The following UNC5D variants were observed in gnomAD, a reference collection of about 807,000 sequenced individuals.
UNC5D encodes netrin receptor UNC5D.
In UNC5D, 39 loss-of-function variants were observed where a neutral mutation model predicts 105.4. The observed-to-expected ratio is 0.37, with a 90% CI of 0.29 to 0.48. The LOEUF is 0.48. Ranked by LOEUF, UNC5D falls within the 20% of genes least tolerant of loss-of-function variation. UNC5D has a pLI of 0.98. For missense variants in UNC5D, 991 were observed against 1,202.4 expected (o/e 0.82, Z 2.60); for synonymous variants, 452 against 450.4 (o/e 1.00, Z -0.04).
intron 4 of UNC5D, among the ~76,000 whole-genome samples, chr8:35,676,238 G>A (rs1030587862): frequency 1.3e-5 from 2 of 152,158 alleles, no homozygotes; most frequent in South Asian, 2.1e-4. Context: ...TCTACAAATT[G>A]CAGACCATCT....
intron 1 of UNC5D, among the ~76,000 whole-genome samples, chr8:35,330,745 T>C (rs905232095): frequency 2.0e-5 from 3 of 152,160 alleles, no homozygotes; most frequent in Admixed American, 1.3e-4. Context: ...GGGGCTGCAA[T>C]GAAAAAACCT....
chr8:35,470,899 C>A (rs1219508660), intron 1 of UNC5D, among the ~76,000 whole-genome samples: 1 of 152,094 alleles, frequency 6.6e-6, no homozygotes, highest in African/African-American at 2.4e-5. Context: ...CCTCCAAGGC[C>A]TTACATTTGT....
At chr8:35,559,252 C>T (rs1158679947) in intron 2 of UNC5D, among the ~76,000 whole-genome samples, 1 of 152,152 alleles carries the variant, frequency 6.6e-6, no homozygotes, top group African/African-American at 2.4e-5. Flanking sequence ...ACCATTCTAC[C>T]AAAACCTAGT....
intron 1 of UNC5D, among the ~76,000 whole-genome samples, 191 bp from the exon 2 acceptor site, chr8:35,549,099 CTG>C (rs1815913594): frequency 6.6e-6 from 1 of 152,200 alleles, no homozygotes; most frequent in Non-Finnish European, 1.5e-5. Context: ...CCATGGCTAG[CTG>C]GAGGCACCAT....
intron 1 of UNC5D, among the ~76,000 whole-genome samples, chr8:35,296,091 G>T (rs1381681330): frequency 2.0e-5 from 3 of 152,088 alleles, no homozygotes; most frequent in African/African-American, 7.2e-5. Flanking sequence ...AGTTTTTTCC[G>T]CATATTGGCT....
intron 1 of UNC5D, among the ~76,000 whole-genome samples, chr8:35,487,597 C>T (rs1033470822): frequency 4.7e-5 from 6 of 127,306 alleles, no homozygotes; most frequent in Non-Finnish European, 9.6e-5. Context: ...ACACACACCC[C>T]ACAGACTGTT....
rs183041859 is a variant in UNC5D at position 35,242,608 on chromosome 8, G to C, written c.103+6721G>C. On this transcript the variant is annotated intron_variant, in intron 1 of 16. Coordinates refer to ENST00000404895, the MANE Select transcript of UNC5D (RefSeq NM_080872.4). ...TTCTCCTGCCTCAGCCTCCCGAGTA[G>C]CTGGGATTACAGGCATGCACCATTG... 1.2e-4 allele frequency among the ~76,000 whole-genome samples: 19 copies of C among 152,246 alleles called. No individual in the cohort carries two copies. The East Asian group carries it at 3.7e-3, about 29-fold the overall frequency.
At chr8:35,700,736 A>C (rs1442282250) in intron 7 of UNC5D, among the ~76,000 whole-genome samples, 2 of 152,214 alleles carry the variant, frequency 1.3e-5, no homozygotes, top group South Asian at 2.1e-4. Context: ...GAGGTGCTCC[A>C]GAAACTAATT....
chr8:35,424,991 T>G (rs75277432), intron 1 of UNC5D, among the ~76,000 whole-genome samples: 3,618 of 152,230 alleles, frequency 0.024, 81 homozygotes, highest in Non-Finnish European at 0.038. Flanking sequence ...GCTGAAATTG[T>G]TCCCCTTCCT....
intron 1 of UNC5D, among the ~76,000 whole-genome samples, chr8:35,376,506 A>G (rs1400092955): frequency 6.6e-6 from 1 of 152,178 alleles, no homozygotes; most frequent in Non-Finnish European, 1.5e-5. Context: ...AAAAACATAG[A>G]TGATATGTAT....
At chr8:35,764,400 G>C (rs1801674011) in intron 14 of UNC5D, among the ~76,000 whole-genome samples, 1 of 152,178 alleles carries the variant, frequency 6.6e-6, no homozygotes, top group African/African-American at 2.4e-5. Context: ...GGCAGAAAGA[G>C]AAGTGTAGGA....
At chr8:35,597,638 G>A (rs957020932) in intron 4 of UNC5D, among the ~76,000 whole-genome samples, 1 of 152,126 alleles carries the variant, frequency 6.6e-6, no homozygotes, top group African/African-American at 2.4e-5. Flanking sequence ...GCAGAGAGGG[G>A]TGCTAATGTT....
At position 35,502,725 on chromosome 8, in the gene UNC5D, A is replaced by ATTT. The variant is rs34200119; in HGVS notation, c.104-46556_104-46554dup. On this transcript the variant is annotated intron_variant, in intron 1 of 16. Transcript: ENST00000404895. ...AGGTGCACACCACCATGCCCGGCTA[A>ATTT]TTTTTTTTTTTTTGTATTTTTAGTA... 1.0e-4 allele frequency among the ~76,000 whole-genome samples: 15 copies of ATTT among 145,022 alleles called. No homozygotes were observed. The East Asian group carries it at 3.1e-3, about 30-fold the overall frequency.
intron 4 of UNC5D, among the ~76,000 whole-genome samples, chr8:35,600,999 G>A (rs189711346): frequency 7.2e-5 from 11 of 152,150 alleles, no homozygotes; most frequent in Admixed American, 5.9e-4. Flanking sequence ...AAGGGATCGA[G>A]TTTCAGCTTT....
At chr8:35,303,563 C>T (rs1293282801) in intron 1 of UNC5D, among the ~76,000 whole-genome samples, 2 of 152,158 alleles carry the variant, frequency 1.3e-5, no homozygotes, top group Non-Finnish European at 2.9e-5. Context: ...ATGATTTTAT[C>T]TCTAACTTCT....
intron 1 of UNC5D, among the ~76,000 whole-genome samples, chr8:35,331,804 ATC>A: frequency 1.3e-5 from 2 of 152,290 alleles, no homozygotes; most frequent in Middle Eastern, 3.4e-3. Flanking sequence ...ACTATAGGAC[ATC>A]TGCCAAGTGC....
intron 1 of UNC5D, among the ~76,000 whole-genome samples, chr8:35,538,606 A>G (rs2130613813): frequency 6.6e-6 from 1 of 151,888 alleles, no homozygotes; most frequent in South Asian, 2.1e-4. Context: ...GTAGTCATGT[A>G]GGGGAATGAT....
chr8:35,511,768 A>G (rs1163270606), intron 1 of UNC5D, among the ~76,000 whole-genome samples: 1 of 152,164 alleles, frequency 6.6e-6, no homozygotes, highest in Non-Finnish European at 1.5e-5. Context: ...CAAAGTTTTA[A>G]GAAAGTTTAT....
At chr8:35,666,228 C>T (rs1189909240) in intron 4 of UNC5D, among the ~76,000 whole-genome samples, 1 of 151,416 alleles carries the variant, frequency 6.6e-6, no homozygotes, top group Non-Finnish European at 1.5e-5. Context: ...TTTAAAGGCA[C>T]GTAAATTGCT....
Sources: allele counts gnomAD v4.1 joint callset (sites outside exome capture counted in the v4.1 genomes callset), GRCh38; gene constraint gnomAD v4.1.1; transcripts MANE v1.5; gene names NCBI Gene and HGNC (gene_info 2026-07-23, HGNC 2026-07-21).